UGT1A10: variants seen among roughly 807,000 people sequenced by gnomAD.
UGT1A10 encodes UDP glucuronosyltransferase family 1 member A10, also known as UDP-glucuronosyltransferase 1A10.
A neutral mutation model predicts 45.8 loss-of-function variants in UGT1A10; 49 were observed. The observed-to-expected ratio is 1.07, with a 90% CI of 0.85 to 1.36. UGT1A10 has a LOEUF of 1.36. Ranked by LOEUF, UGT1A10 falls within the 40% of genes most tolerant of loss-of-function variation. UGT1A10 has a pLI of 0.00. For synonymous variants in UGT1A10, 284 were observed against 249.7 expected, an observed-to-expected ratio of 1.14 and a Z score of -1.29; for missense variants, 745 against 668.6, an observed-to-expected ratio of 1.11 and a Z score of -1.26.
chr2:233,747,450 T>A, intron 1 of UGT1A10: 1 of 1,609,050 alleles, frequency 6.2e-7, no homozygotes, highest in Non-Finnish European at 8.5e-7. Flanking sequence ...CCTGACAACC[T>A]ATGCCATTTC....
At chr2:233,677,688 T>C (rs1042423411) in intron 1 of UGT1A10, among the ~76,000 whole-genome samples, 2 of 152,016 alleles carry the variant, frequency 1.3e-5, no homozygotes, top group Non-Finnish European at 2.9e-5. Flanking sequence ...TAGATGCTGG[T>C]GAGGCTGCTG....
At chr2:233,738,677 A>G (rs1328958529) in intron 1 of UGT1A10, among the ~76,000 whole-genome samples, 1 of 152,198 alleles carries the variant, frequency 6.6e-6, no homozygotes, top group African/African-American at 2.4e-5. Context: ...AGATGATCTG[A>G]AATTGGAACT....
At chr2:233,709,846 T>C (rs1229123892) in intron 1 of UGT1A10, among the ~76,000 whole-genome samples, 1 of 152,204 alleles carries the variant, frequency 6.6e-6, no homozygotes, top group Non-Finnish European at 1.5e-5. Flanking sequence ...CATCACCACA[T>C]TCAAGACACG....
intron 1 of UGT1A10, among the ~76,000 whole-genome samples, chr2:233,705,028 C>T (rs912053989): frequency 4.0e-5 from 6 of 151,736 alleles, no homozygotes; most frequent in African/African-American, 1.2e-4. Context: ...CCCAGCTACT[C>T]GGGAGGCTGA....
intron 1 of UGT1A10, among the ~76,000 whole-genome samples, chr2:233,669,817 G>A (rs1049017627): frequency 2.6e-5 from 4 of 152,048 alleles, no homozygotes; most frequent in Non-Finnish European, 5.9e-5. Flanking sequence ...CAGAGTAGCT[G>A]GGATTACAGG....
rs771015573 is a variant in UGT1A10 at position 233,755,062 on chromosome 2, C to T, written c.856-11972C>T. On this transcript the variant is annotated intron_variant, in intron 1 of 4. Coordinates refer to ENST00000344644, the MANE Select transcript of UGT1A10 (RefSeq NM_019075.4). ...GCGCAGCCGCCCTCCGCCCTCGCCT[C>T]GCCATAGCGGTCATAGATATCGCGT... 7 of 1,335,332 alleles carry T rather than the reference C, an allele frequency of 5.2e-6. No individual in the cohort carries two copies. In the African/African-American group the frequency reaches 6.0e-5, roughly 11 times the overall value. 82.7% of individuals were successfully genotyped at this position (1,335,332 alleles called of 1,614,324 possible). A position where few individuals can be genotyped will look rare whatever the true frequency, so the allele number is the denominator to read the frequency against.
intron 1 of UGT1A10, among the ~76,000 whole-genome samples, chr2:233,665,310 T>G (rs1381233230): frequency 2.0e-5 from 3 of 152,212 alleles, no homozygotes; most frequent in African/African-American, 7.2e-5. Flanking sequence ...ATTTGTCTTT[T>G]TGCACATTAG....
At chr2:233,678,881 C>A (rs1035530359) in intron 1 of UGT1A10, among the ~76,000 whole-genome samples, 2 of 152,164 alleles carry the variant, frequency 1.3e-5, no homozygotes, top group African/African-American at 2.4e-5. Flanking sequence ...TCATGACTTC[C>A]TTGATTGGCT....
chr2:233,675,236 T>A (rs895779103), intron 1 of UGT1A10, among the ~76,000 whole-genome samples: 1 of 152,152 alleles, frequency 6.6e-6, no homozygotes, highest in Non-Finnish European at 1.5e-5. Flanking sequence ...AACGTGAGAT[T>A]TGGAGGGGAC....
At position 233,767,068 on chromosome 2, in the gene UGT1A10, A is replaced by G. The variant is rs1055696021; in HGVS notation, c.890A>G (p.His297Arg). 45 of 1,614,026 alleles carry G rather than the reference A, an allele frequency of 2.8e-5. No individual in the cohort carries two copies. Among genetic ancestry groups the G allele is most frequent in the Non-Finnish European group, 3.6e-5 (43 of 1,180,024 alleles). The change falls in exon 2 of 5, where the codon CAT becomes CGT. Residue 297 changes from histidine to arginine, a missense_variant. Physicochemically the swap from His to Arg is conservative, Grantham distance 29. Coordinates refer to ENST00000344644, the MANE Select transcript of UGT1A10 (RefSeq NM_019075.4). ...GCCTACATTAATGCTTCTGGAGAAC[A>G]TGGAATTGTGGTTTTCTCTTTGGGA... Reference protein sequence around the residue: ...FEAYINASGEHGIVVFSLGSM... With the variant: ...FEAYINASGERGIVVFSLGSM...
At chr2:233,675,498 G>A (rs544445095) in intron 1 of UGT1A10, among the ~76,000 whole-genome samples, 2 of 152,262 alleles carry the variant, frequency 1.3e-5, no homozygotes, top group Admixed American at 6.5e-5. Context: ...GTGGGATATG[G>A]TTACAGATAA....
At chr2:233,652,525 T>C (rs1016760523) in intron 1 of UGT1A10, among the ~76,000 whole-genome samples, 1 of 152,214 alleles carries the variant, frequency 6.6e-6, no homozygotes, top group African/African-American at 2.4e-5. Flanking sequence ...ATAGCCACAA[T>C]ATCATTATCA....
At chr2:233,668,701 A>G (rs893498329) in intron 1 of UGT1A10, among the ~76,000 whole-genome samples, 3 of 152,230 alleles carry the variant, frequency 2.0e-5, no homozygotes, top group African/African-American at 7.2e-5. Flanking sequence ...ATTTCTCCAC[A>G]TCTTCTCTAG....
chr2:233,666,960 C>T (rs1286284979), intron 1 of UGT1A10, among the ~76,000 whole-genome samples: 1 of 152,138 alleles, frequency 6.6e-6, no homozygotes, highest in Non-Finnish European at 1.5e-5. Context: ...TCATCAATGT[C>T]CCTACAATGG....
intron 1 of UGT1A10, among the ~76,000 whole-genome samples, chr2:233,744,523 C>A (rs2125863777): frequency 6.6e-6 from 1 of 152,020 alleles, no homozygotes; most frequent in Non-Finnish European, 1.5e-5. Context: ...AATAGCAAAT[C>A]TTATTTTTAT....
At chr2:233,670,085 C>A (rs551210588) in intron 1 of UGT1A10, among the ~76,000 whole-genome samples, 2 of 152,260 alleles carry the variant, frequency 1.3e-5, no homozygotes, top group African/African-American at 4.8e-5. Flanking sequence ...ACATATTTGG[C>A]ATGTTATATG....
chr2:233,716,843 C>G (rs1303779141), intron 1 of UGT1A10, among the ~76,000 whole-genome samples: 1 of 152,176 alleles, frequency 6.6e-6, no homozygotes, highest in Non-Finnish European at 1.5e-5. Context: ...ATGGCTTCAG[C>G]TACCACATAT....
intron 1 of UGT1A10, chr2:233,713,516 CAT>C (rs762930324): frequency 6.2e-7 from 1 of 1,613,934 alleles, no homozygotes; most frequent in South Asian, 1.1e-5. Context: ...TCTTGAGGAA[CAT>C]TCCATGTGAT....
chr2:233,644,238 A>G (rs544955131), intron 1 of UGT1A10, among the ~76,000 whole-genome samples: 37 of 152,282 alleles, frequency 2.4e-4, no homozygotes, highest in African/African-American at 7.7e-4. Context: ...CAGACCTCTG[A>G]GATCAGCAAT....
Sources: allele counts gnomAD v4.1 joint callset (sites outside exome capture counted in the v4.1 genomes callset), GRCh38; gene constraint gnomAD v4.1.1; transcripts MANE v1.5; gene names NCBI Gene and HGNC (gene_info 2026-07-23, HGNC 2026-07-21).